Variants in COPRS observed in about 807,000 individuals in gnomAD.
COPRS encodes the protein cooperator of PRMT5.
Under a neutral mutation model 19.9 loss-of-function variants are expected in COPRS, and 11 were observed. That is an observed-to-expected ratio of 0.55 (90% CI 0.35 to 0.92). The LOEUF (loss-of-function observed/expected upper bound fraction) is 0.92, where lower values mean the gene tolerates loss of function less well. COPRS is among the 40% of genes least tolerant of loss of function. COPRS has a pLI of 0.01. For missense variants in COPRS, 225 were observed against 229.9 expected (o/e 0.98, Z 0.14); for synonymous variants, 81 against 82.7 (o/e 0.98, Z 0.11).
intron 2 of COPRS, among the ~76,000 whole-genome samples, chr17:31,856,009 A>AC (rs1555571653): frequency 1.4e-5 from 2 of 143,806 alleles, no homozygotes; most frequent in Non-Finnish European, 3.0e-5. Context: ...AAAAAAAAAA[A>AC]CGGCAGGGGG....
Position 31,856,869 on chromosome 17 carries a change from C to G in COPRS, c.100-4G>C. On this transcript the variant is annotated splice_region_variant and splice_polypyrimidine_tract_variant and intron_variant, in intron 1 of 3. Transcript: ENST00000302362. The stretch of plus-strand genomic sequence containing the variant: ...GGTCAGCTGTAGCAAAGCCAGCCTG[C>G]AGGAAGAAGAAATGATTACCAAGGA... 1.3e-6 allele frequency: 2 copies of G among 1,588,374 alleles called. No individual in the cohort carries two copies. Among genetic ancestry groups the G allele is most frequent in the Non-Finnish European group, 1.7e-6 (2 of 1,158,082 alleles).
chr17:31,858,887 C>A (rs900011800), intron 1 of COPRS: 3 of 1,528,960 alleles, frequency 2.0e-6, no homozygotes, highest in South Asian at 1.2e-5. Context: ...CGCCCACCCA[C>A]GCCCTCGGCT....
In COPRS at chr17:31,852,983, C is replaced by T. The variant is rs1213953836; in HGVS notation, c.214G>A (p.Gly72Ser). The change falls in exon 3 of 4, where the codon GGC becomes AGC. Residue 72 changes from glycine to serine, a missense_variant. This residue lies in a region of COPRS where 170 missense variants were observed against 171.4 expected (regional missense o/e 0.99). Coordinates refer to ENST00000302362, the MANE Select transcript of COPRS (RefSeq NM_018405.4). ...AAGCCTTCCTCTTCAGAATGGGTGC[C>T]CTCACCCCGGGCAGGACTGTCATTA... ...IPNDSPARGE[G>S]THSEEEGFAM... 7.4e-6 allele frequency: 12 copies of T among 1,613,942 alleles called. No individual in the cohort carries two copies. The highest frequency in any genetic ancestry group is 8.5e-6 in the Non-Finnish European group (10 of 1,179,936).
chr17:31,858,893 C>T (rs892726809), intron 1 of COPRS: 8 of 1,520,142 alleles, frequency 5.3e-6, no homozygotes, highest in Admixed American at 2.1e-5. Context: ...CCCACGCCCT[C>T]GGCTTTCCCC....
At chr17:31,856,979 C>A in intron 1 of COPRS, 114 bp from the exon 2 acceptor site, 1 of 716,112 alleles carries the variant, frequency 1.4e-6, no homozygotes, top group South Asian at 1.6e-5. Context: ...TGATGCAGGG[C>A]TGGGACTCTG....
intron 1 of COPRS, among the ~76,000 whole-genome samples, chr17:31,857,166 C>G (rs1382216571): frequency 6.6e-6 from 1 of 152,166 alleles, no homozygotes. Flanking sequence ...CAGAGCCAGT[C>G]TTATCACTGC....
chr17:31,856,118 T>C (rs557136991), intron 2 of COPRS, among the ~76,000 whole-genome samples: 3 of 152,048 alleles, frequency 2.0e-5, no homozygotes, highest in South Asian at 2.1e-4. Flanking sequence ...GCAGATCACT[T>C]GAGATCAGGA....
chr17:31,852,055 TCA>T lies in COPRS; in HGVS notation c.*82_*83del, dbSNP rs1909180085. ...ACTAGGGGTCACTGCAAACATTTTCTCAGATATGACTTTTCACCTCCAAGACA... is the reference window on the plus strand; with the variant it reads ...ACTAGGGGTCACTGCAAACATTTTCTGATATGACTTTTCACCTCCAAGACA... On this transcript the variant is annotated 3_prime_UTR_variant, in exon 4 of 4. Transcript: ENST00000302362. 1.3e-6 allele frequency: 2 copies of T among 1,541,124 alleles called. No homozygotes were observed. Among genetic ancestry groups the T allele is most frequent in the East Asian group, 4.5e-5 (2 of 44,448 alleles).
At chr17:31,858,898 T>C in intron 1 of COPRS, 1 of 1,514,808 alleles carries the variant, frequency 6.6e-7, no homozygotes, top group Non-Finnish European at 8.8e-7. Context: ...GCCCTCGGCT[T>C]TCCCCGCCCC....
chr17:31,855,704 G>GA (rs1396731424), intron 2 of COPRS, among the ~76,000 whole-genome samples: 5 of 149,408 alleles, frequency 3.3e-5, no homozygotes, highest in Admixed American at 2.7e-4. Context: ...AAAAGAAAAA[G>GA]AAAAAAAGGG....
At chr17:31,856,197 T>C (rs1207892277) in intron 2 of COPRS, among the ~76,000 whole-genome samples, 4 of 151,478 alleles carry the variant, frequency 2.6e-5, no homozygotes, top group African/African-American at 7.3e-5. Flanking sequence ...TAGCTGGGTG[T>C]GGTGGCGCGT....
chr17:31,857,323 C>T (rs1381013799), intron 1 of COPRS, among the ~76,000 whole-genome samples: 1 of 152,242 alleles, frequency 6.6e-6, no homozygotes, highest in Non-Finnish European at 1.5e-5. Context: ...TAATCAACTT[C>T]ATCTCTTTGT....
At chr17:31,859,078 C>A in intron 1 of COPRS, 23 bp downstream of exon 1, 4 of 1,137,952 alleles carry the variant, frequency 3.5e-6, no homozygotes, top group South Asian at 3.7e-5. Context: ...GGCTGTTGCT[C>A]CTGGCCCCCA....
chr17:31,856,954 C>A, intron 1 of COPRS, 89 bp from the exon 2 acceptor site: 1 of 803,566 alleles, frequency 1.2e-6, no homozygotes. Flanking sequence ...ACCCACTCTT[C>A]CATACTCCCC....
intron 1 of COPRS, chr17:31,858,694 T>G: frequency 6.8e-7 from 1 of 1,477,110 alleles, no homozygotes; most frequent in Non-Finnish European, 9.3e-7. Context: ...TTAGCTGGCA[T>G]CCCCACCAAC....
At chr17:31,854,010 T>C (rs1302339469) in intron 2 of COPRS, among the ~76,000 whole-genome samples, 2 of 152,156 alleles carry the variant, frequency 1.3e-5, no homozygotes, top group East Asian at 3.8e-4. Context: ...AATAAAGTGA[T>C]AGTTCAGAGC....
chr17:31,855,731 C>T (rs1207003832), intron 2 of COPRS, among the ~76,000 whole-genome samples: 2 of 151,400 alleles, frequency 1.3e-5, no homozygotes, highest in African/African-American at 4.9e-5. Context: ...CGTGGTAGCT[C>T]ACACCTGTAA....
rs138756392 is a variant in COPRS at position 31,856,800 on chromosome 17, T to G, written c.165A>C (p.Leu55=). Reference sequence around the variant, plus strand: ...CTTCCGTCTCTGCCATCTACTTGCCTAGTCGATCCATAGCCTTCTCAGTCT... The same window carrying G: ...CTTCCGTCTCTGCCATCTACTTGCCGAGTCGATCCATAGCCTTCTCAGTCT... ...ERETEKAMDR[L]ARGTQSIPND... The change falls in exon 2 of 4, where the codon CTA becomes CTC. Residue 55 remains leucine, a splice_region_variant and synonymous_variant. Transcript: ENST00000302362. 2.0e-4 allele frequency: 316 copies of G among 1,594,616 alleles called. No individual in the cohort carries two copies. Among genetic ancestry groups the G allele is most frequent in the Non-Finnish European group, 2.6e-4 (305 of 1,162,476 alleles).
At position 31,855,501 on chromosome 17, in the gene COPRS, A is replaced by AAAAT. The variant is rs201832910; in HGVS notation, c.166+1294_166+1297dup. On this transcript the variant is annotated intron_variant, in intron 2 of 3. Transcript: ENST00000302362. Reference sequence around the variant, plus strand: ...GAGACAGAGCGAGACTCCGTCTCAAAAAATAAATAAATAAATAAATAAATA... The same window carrying AAAAT: ...GAGACAGAGCGAGACTCCGTCTCAAAAAATAAATAAATAAATAAATAAATAAATA... 8.0e-3 allele frequency among the ~76,000 whole-genome samples: 1,215 copies of AAAAT among 151,520 alleles called. 11 individuals are homozygous for AAAAT. The highest frequency in any genetic ancestry group is 0.023 in the African/African-American group (965 of 41,162).
Sources: allele counts gnomAD v4.1 joint callset (sites outside exome capture counted in the v4.1 genomes callset), GRCh38; gene constraint gnomAD v4.1.1; regional missense constraint gnomAD v4.1.1; transcripts MANE v1.5; gene names NCBI Gene and HGNC (gene_info 2026-07-23, HGNC 2026-07-21).